AGBL1: variants seen among roughly 807,000 people sequenced by gnomAD.
AGBL1 encodes cytosolic carboxypeptidase 4.
Under a neutral mutation model 118.9 loss-of-function variants are expected in AGBL1, and 130 were observed. The observed-to-expected ratio is 1.09, with a 90% CI of 0.95 to 1.26. AGBL1 has a LOEUF of 1.26. Ranked by LOEUF, AGBL1 falls within the 50% of genes most tolerant of loss-of-function variation. The pLI, the probability that AGBL1 is intolerant of heterozygous loss-of-function variation, is 0.00. For missense variants in AGBL1, 1,584 were observed against 1,298.1 expected (o/e 1.22, Z -3.38); for synonymous variants, 555 against 478.9 (o/e 1.16, Z -2.08).
At chr15:86,900,771 G>A (rs1367981212) in intron 22 of AGBL1, among the ~76,000 whole-genome samples, 4 of 152,050 alleles carry the variant, frequency 2.6e-5, no homozygotes, top group East Asian at 3.9e-4. Context: ...GAATATCTGG[G>A]TGAAAGATTG....
At chr15:86,735,560 T>A (rs2077580112) in intron 22 of AGBL1, among the ~76,000 whole-genome samples, 1 of 151,848 alleles carries the variant, frequency 6.6e-6, no homozygotes, top group African/African-American at 2.4e-5. Flanking sequence ...TTGCACATTT[T>A]ACTACTACCT....
intron 16 of AGBL1, among the ~76,000 whole-genome samples, chr15:86,286,418 CTAAT>C (rs66539155): frequency 0.16 from 24,442 of 151,922 alleles, 2,122 homozygotes; most frequent in Admixed American, 0.2. Context: ...TTCCTCTTGT[CTAAT>C]TGAAATTTTG....
chr15:86,487,058 G>T (rs1471168616), intron 18 of AGBL1, among the ~76,000 whole-genome samples: 11 of 152,172 alleles, frequency 7.2e-5, no homozygotes, highest in Admixed American at 7.2e-4. Context: ...ATCTGTAGCT[G>T]CCCAATATTC....
At chr15:86,228,300 G>C (rs1489012474) in intron 6 of AGBL1, among the ~76,000 whole-genome samples, 2 of 152,180 alleles carry the variant, frequency 1.3e-5, no homozygotes, top group African/African-American at 4.8e-5. Flanking sequence ...ATCTGGCACT[G>C]ATATCTGGGA....
intron 21 of AGBL1, among the ~76,000 whole-genome samples, chr15:86,660,846 G>A (rs2085526696): frequency 6.6e-6 from 1 of 152,044 alleles, no homozygotes; most frequent in Non-Finnish European, 1.5e-5. Flanking sequence ...GTTTGTGTTT[G>A]TTCTAAGTCT....
intron 24 of AGBL1, among the ~76,000 whole-genome samples, chr15:87,004,785 G>T (rs1258121511): frequency 1.3e-5 from 2 of 152,094 alleles, no homozygotes; most frequent in Non-Finnish European, 2.9e-5. Flanking sequence ...TCCTAGCATT[G>T]ATGGTCTTTC....
At chr15:86,520,758 C>T (rs1291085024) in intron 18 of AGBL1, among the ~76,000 whole-genome samples, 1 of 152,162 alleles carries the variant, frequency 6.6e-6, no homozygotes, top group Non-Finnish European at 1.5e-5. Context: ...GAATCCAGGT[C>T]AAGGCAAGGA....
At chr15:86,833,511 C>G (rs944564728) in intron 22 of AGBL1, among the ~76,000 whole-genome samples, 1 of 152,098 alleles carries the variant, frequency 6.6e-6, no homozygotes, top group African/African-American at 2.4e-5. Flanking sequence ...GCAAAACTTG[C>G]CTTTTGCCTC....
intron 20 of AGBL1, among the ~76,000 whole-genome samples, chr15:86,552,056 A>C (rs1324010533): frequency 2.6e-5 from 4 of 152,196 alleles, no homozygotes; most frequent in Non-Finnish European, 5.9e-5. Context: ...TGTAATATTG[A>C]GTACACATCA....
At chr15:86,569,563 ACTT>A (rs1244150572) in intron 21 of AGBL1, among the ~76,000 whole-genome samples, 8 of 152,050 alleles carry the variant, frequency 5.3e-5, no homozygotes, top group Admixed American at 1.3e-4. Flanking sequence ...TTTTAGAAAA[ACTT>A]CTTCGGATAT....
chr15:86,640,694 G>A (rs527881829), intron 21 of AGBL1, among the ~76,000 whole-genome samples: 15 of 151,966 alleles, frequency 9.9e-5, no homozygotes, highest in Non-Finnish European at 1.9e-4. Flanking sequence ...TTAAGATTTG[G>A]TAATAAGTCA....
intron 18 of AGBL1, among the ~76,000 whole-genome samples, chr15:86,418,868 T>C (rs570908324): frequency 6.6e-6 from 1 of 152,140 alleles, no homozygotes; most frequent in African/African-American, 2.4e-5. Context: ...CCTTTGACCT[T>C]GGTTCACTGA....
At position 86,706,008 on chromosome 15, in the gene AGBL1, C is replaced by T. The variant is rs116862816; in HGVS notation, c.3158+31572C>T. ...TAAAAATAAATAGTTTTTTAAGTAC[C>T]AAATGCAATAATTCAAGACATGAGA... On this transcript the variant is annotated intron_variant, in intron 22 of 22. Coordinates refer to ENST00000614907, the MANE Select transcript of AGBL1 (RefSeq NM_001386094.1). 1.7e-3 allele frequency among the ~76,000 whole-genome samples: 265 copies of T among 151,910 alleles called. 3 individuals are homozygous for T. In the East Asian group the frequency reaches 0.022, roughly 13 times the overall value.
intron 22 of AGBL1, among the ~76,000 whole-genome samples, chr15:86,804,253 C>T (rs2078689153): frequency 6.6e-6 from 1 of 152,122 alleles, no homozygotes; most frequent in African/African-American, 2.4e-5. Context: ...CTGTTAAGTG[C>T]ATGTTCTCTG....
chr15:86,084,306 C>G (rs1409334288), intron 1 of AGBL1, among the ~76,000 whole-genome samples: 1 of 152,186 alleles, frequency 6.6e-6, no homozygotes, highest in Non-Finnish European at 1.5e-5. Flanking sequence ...TTCACAGCTT[C>G]TTACATTTCT....
At position 86,909,114 on chromosome 15, in the gene AGBL1, A is replaced by T. The variant is rs76298604; in HGVS notation, c.*1820A>T. On this transcript the variant is annotated 3_prime_UTR_variant, in exon 23 of 23. Coordinates refer to ENST00000614907, the MANE Select transcript of AGBL1 (RefSeq NM_001386094.1). Reference sequence around the variant, plus strand: ...AATGCCTGTTTTCTATCTTTCCAAAAGCTCTACATAATATTTCTTCTTAAT... The same window carrying T: ...AATGCCTGTTTTCTATCTTTCCAAATGCTCTACATAATATTTCTTCTTAAT... 0.046 allele frequency: 6,966 copies of T among 152,326 alleles called. 215 individuals carry two copies. Among genetic ancestry groups the T allele is most frequent in the Admixed American group, 0.081 (1,231 of 15,288 alleles). 9.4% of individuals were successfully genotyped at this position (152,326 alleles called of 1,614,324 possible).
chr15:86,546,582 A>G (rs1029871351), intron 20 of AGBL1, among the ~76,000 whole-genome samples: 1 of 152,184 alleles, frequency 6.6e-6, no homozygotes, highest in Non-Finnish European at 1.5e-5. Context: ...ATACAAAAGG[A>G]CTTCAAATAA....
At chr15:86,932,730 T>C (rs1351808258) in intron 23 of AGBL1, 2 of 152,216 alleles carry the variant, frequency 1.3e-5, no homozygotes, top group African/African-American at 2.4e-5. Flanking sequence ...CTGCTTACCA[T>C]ATAATGGCCC....
intron 21 of AGBL1, among the ~76,000 whole-genome samples, chr15:86,656,248 GAAACTATGTAC>G: frequency 6.6e-6 from 1 of 152,124 alleles, no homozygotes; most frequent in East Asian, 1.9e-4. Flanking sequence ...CAGAGGGTGA[GAAACTATGTAC>G]AATATTAAAT....
Sources: allele counts gnomAD v4.1 joint callset (sites outside exome capture counted in the v4.1 genomes callset), GRCh38; gene constraint gnomAD v4.1.1; transcripts MANE v1.5; gene names NCBI Gene and HGNC (gene_info 2026-07-23, HGNC 2026-07-21).